Variants in ESRRG observed in about 807,000 individuals in gnomAD.
ESRRG encodes the protein estrogen-related receptor gamma.
A neutral mutation model predicts 44.0 loss-of-function variants in ESRRG; 13 were observed. The observed-to-expected ratio is 0.30, with a 90% CI of 0.19 to 0.47. The LOEUF (loss-of-function observed/expected upper bound fraction) is 0.47, where lower values mean the gene tolerates loss of function less well. Ranked by LOEUF, ESRRG falls within the 20% of genes least tolerant of loss-of-function variation. ESRRG has a pLI of 1.00. For synonymous variants in ESRRG, 215 were observed against 214.6 expected (o/e 1.00, Z -0.02); for missense variants, 395 against 580.6 (o/e 0.68, Z 3.29).
intron 2 of ESRRG, among the ~76,000 whole-genome samples, chr1:216,778,643 C>A (rs1184936412): frequency 6.6e-6 from 1 of 151,904 alleles, no homozygotes; most frequent in African/African-American, 2.4e-5. Context: ...CAGGCCCCAA[C>A]AGACTATAGA....
intron 1 of ESRRG, among the ~76,000 whole-genome samples, chr1:216,984,909 C>T (rs2074612980): frequency 6.6e-6 from 1 of 152,220 alleles, no homozygotes; most frequent in Non-Finnish European, 1.5e-5. Context: ...ACATTTTTTA[C>T]TTGCCTATTT....
At chr1:216,525,483 G>C (rs1498287) in intron 5 of ESRRG, among the ~76,000 whole-genome samples, 146,619 of 152,172 alleles carry the variant, frequency 0.96, 70,761 homozygotes, top group Non-Finnish European at 1. Flanking sequence ...GAAAAAATGT[G>C]GGGGGGCATG....
chr1:216,621,909 T>C (rs574302297), intron 3 of ESRRG, among the ~76,000 whole-genome samples: 23 of 152,300 alleles, frequency 1.5e-4, no homozygotes, highest in Admixed American at 3.9e-4. Context: ...CCTCATTGTT[T>C]GACACTTTGT....
At chr1:216,917,696 G>A (rs2061362189) in intron 2 of ESRRG, among the ~76,000 whole-genome samples, 2 of 152,198 alleles carry the variant, frequency 1.3e-5, no homozygotes, top group South Asian at 4.1e-4. Context: ...ACCTAGTACA[G>A]AACCTGGCAT....
chr1:216,952,760 T>C (rs1248704575), intron 1 of ESRRG, among the ~76,000 whole-genome samples: 1 of 152,172 alleles, frequency 6.6e-6, no homozygotes, highest in Non-Finnish European at 1.5e-5. Flanking sequence ...AAACAGCTCC[T>C]ATTGTCAATA....
chr1:216,691,164 G>T (rs2078985735), intron 1 of ESRRG, among the ~76,000 whole-genome samples: 1 of 152,040 alleles, frequency 6.6e-6, no homozygotes, highest in African/African-American at 2.4e-5. Flanking sequence ...TTTGGCTTTG[G>T]CAATAAGGAA....
At chr1:216,585,259 C>T (rs2063551017) in intron 3 of ESRRG, among the ~76,000 whole-genome samples, 1 of 152,034 alleles carries the variant, frequency 6.6e-6, no homozygotes, top group African/African-American at 2.4e-5. Context: ...TATGGCAGAG[C>T]TCTATAGACT....
At chr1:217,053,293 A>G (rs1156537371) in intron 1 of ESRRG, among the ~76,000 whole-genome samples, 1 of 151,966 alleles carries the variant, frequency 6.6e-6, no homozygotes, top group Non-Finnish European at 1.5e-5. Context: ...CGTTTCTACT[A>G]AAAATACAAA....
intron 1 of ESRRG, among the ~76,000 whole-genome samples, chr1:217,047,416 T>A (rs759699229): frequency 6.6e-6 from 1 of 152,086 alleles, no homozygotes; most frequent in Non-Finnish European, 1.5e-5. Flanking sequence ...AACCTCGGAC[T>A]CTCACATTCA....
chr1:217,079,705 A>C (rs1250616219), intron 1 of ESRRG, among the ~76,000 whole-genome samples: 1 of 152,210 alleles, frequency 6.6e-6, no homozygotes, highest in Admixed American at 6.5e-5. Context: ...GAAGTTTTAA[A>C]GAATAACACA....
chr1:216,544,536 C>T (rs1055271812), intron 5 of ESRRG, among the ~76,000 whole-genome samples: 4 of 151,930 alleles, frequency 2.6e-5, no homozygotes, highest in South Asian at 2.1e-4. Flanking sequence ...GCTTAATCTG[C>T]GTTTCATATT....
chr1:217,031,517 G>A (rs2082060337), intron 1 of ESRRG, among the ~76,000 whole-genome samples: 1 of 152,200 alleles, frequency 6.6e-6, no homozygotes, highest in African/African-American at 2.4e-5. Flanking sequence ...AGAGAAAATG[G>A]TTTAGCATGA....
At chr1:216,519,596 A>G (rs1297540469) in intron 5 of ESRRG, among the ~76,000 whole-genome samples, 175 bp from the exon 6 acceptor site, 1 of 152,150 alleles carries the variant, frequency 6.6e-6, no homozygotes, top group Non-Finnish European at 1.5e-5. Context: ...GAAAGTCACA[A>G]ACCAGCTTCT....
At chr1:216,637,987 A>C (rs1324066328) in intron 3 of ESRRG, among the ~76,000 whole-genome samples, 1 of 152,130 alleles carries the variant, frequency 6.6e-6, no homozygotes, top group Non-Finnish European at 1.5e-5. Context: ...GCAACTGAAA[A>C]GTATACTGAA....
chr1:216,743,578 A>G (rs1490763677), intron 2 of ESRRG, among the ~76,000 whole-genome samples: 1 of 152,234 alleles, frequency 6.6e-6, no homozygotes, highest in African/African-American at 2.4e-5. Context: ...ACATTGTGCC[A>G]TGATTCCTTT....
At chr1:217,076,712 A>G (rs1158070298) in intron 1 of ESRRG, 1 of 152,214 alleles carries the variant, frequency 6.6e-6, no homozygotes, top group Non-Finnish European at 1.5e-5. Flanking sequence ...CAGTTGTACC[A>G]TTTAAAAGCT....
intron 3 of ESRRG, among the ~76,000 whole-genome samples, chr1:216,624,526 A>G (rs1006626629): frequency 2.5e-4 from 38 of 152,334 alleles, no homozygotes; most frequent in Admixed American, 2.3e-3. Flanking sequence ...AACAGATAAT[A>G]TCTTTTGAAA....
At chr1:217,098,834 G>T (rs2092462682) in intron 1 of ESRRG, among the ~76,000 whole-genome samples, 1 of 152,142 alleles carries the variant, frequency 6.6e-6, no homozygotes, top group Non-Finnish European at 1.5e-5. Context: ...CATGGAATGT[G>T]ATTTGATATA....
intron 1 of ESRRG, among the ~76,000 whole-genome samples, chr1:216,980,812 G>T (rs951989030): frequency 2.0e-5 from 3 of 152,086 alleles, no homozygotes; most frequent in Non-Finnish European, 4.4e-5. Flanking sequence ...TGGCTCCCTC[G>T]CTTGCCTCTA....
Sources: allele counts gnomAD v4.1 joint callset (sites outside exome capture counted in the v4.1 genomes callset), GRCh38; gene constraint gnomAD v4.1.1; transcripts MANE v1.5; gene names NCBI Gene and HGNC (gene_info 2026-07-23, HGNC 2026-07-21).